Variants in RASAL2 observed in about 807,000 individuals in gnomAD.
RASAL2 encodes the protein RAS protein activator like 2, also known as ras GTPase-activating protein nGAP.
RASAL2 carries 58 observed loss-of-function variants against 128.9 expected under a neutral mutation model. That is an observed-to-expected ratio of 0.45 (90% CI 0.36 to 0.56). RASAL2 has a LOEUF of 0.56. RASAL2 is among the 20% of genes least tolerant of loss of function. The pLI is 0.00. For synonymous variants in RASAL2, 561 were observed against 580.8 expected (o/e 0.97, Z 0.49); for missense variants, 1,360 against 1,601.6 (o/e 0.85, Z 2.57).
chr1:178,094,738 T>C, intron 1 of RASAL2, 44 bp downstream of exon 1: 1 of 1,607,588 alleles, frequency 6.2e-7, no homozygotes, highest in Non-Finnish European at 8.5e-7. Context: ...TTCCTATTTT[T>C]GCTTGGGCTG....
In RASAL2 at chr1:178,111,870, C is replaced by T. The variant is rs564333911; in HGVS notation, c.202+17176C>T. Among the ~76,000 whole-genome samples the T allele has an allele frequency of 1.6e-3, 243 of 152,244 alleles. 2 individuals are homozygous for T. Among genetic ancestry groups the T allele is most frequent in the African/African-American group, 5.5e-3 (229 of 41,552 alleles). On this transcript the variant is annotated intron_variant, in intron 1 of 17. Coordinates refer to ENST00000367649, the MANE Select transcript of RASAL2 (RefSeq NM_170692.4). ...TCAGCCTCCCGAGTAGCTGGGATTA[C>T]AGGCACCTGCCATCATGCCTGGCTA...
intron 8 of RASAL2, among the ~76,000 whole-genome samples, chr1:178,443,823 A>C (rs1466689481): frequency 6.6e-6 from 1 of 152,154 alleles, no homozygotes; most frequent in Non-Finnish European, 1.5e-5. Context: ...TGGTTGTGGG[A>C]AGAACAAAAA....
chr1:178,236,312 C>T (rs909506871), intron 1 of RASAL2, among the ~76,000 whole-genome samples: 3 of 152,090 alleles, frequency 2.0e-5, no homozygotes, highest in South Asian at 2.1e-4. Context: ...TGATGGTCCT[C>T]GTAGAGGTAT....
At chr1:178,200,399 G>A (rs1662821545) in intron 1 of RASAL2, among the ~76,000 whole-genome samples, 1 of 152,214 alleles carries the variant, frequency 6.6e-6, no homozygotes, top group Admixed American at 6.5e-5. Context: ...GAGGCAAAGA[G>A]TTTAGCAACT....
chr1:178,288,593 T>G (rs536220483), intron 2 of RASAL2, among the ~76,000 whole-genome samples: 2 of 151,862 alleles, frequency 1.3e-5, no homozygotes, highest in East Asian at 3.9e-4. Context: ...CATTTTAGTT[T>G]TTTGCTTTCT....
chr1:178,397,744 C>T (rs1204288464), intron 4 of RASAL2, among the ~76,000 whole-genome samples: 1 of 151,804 alleles, frequency 6.6e-6, no homozygotes, highest in East Asian at 1.9e-4. Context: ...AAGCTGGAAC[C>T]ACAAGCGCAT....
At chr1:178,451,482 T>TA in intron 9 of RASAL2, 89 bp from the exon 10 acceptor site, 1 of 1,340,310 alleles carries the variant, frequency 7.5e-7, no homozygotes, top group Non-Finnish European at 1.0e-6. Flanking sequence ...TTCCCCATTA[T>TA]ACGTTTTAGG....
In RASAL2 at chr1:178,425,174, C is replaced by A. The variant is rs74131351; in HGVS notation, c.674+4554C>A. Among the ~76,000 whole-genome samples the A allele has an allele frequency of 5.5e-3, 842 of 152,060 alleles. 11 individuals are homozygous for A. The highest frequency in any genetic ancestry group is 0.019 in the African/African-American group (787 of 41,464). On this transcript the variant is annotated intron_variant, in intron 5 of 17. Coordinates refer to ENST00000367649, the MANE Select transcript of RASAL2 (RefSeq NM_170692.4). ...TGTAATTTGAACATAGAAATAGACA[C>A]GCACACAGAACTTTCCTTGGAATGG... is the stretch of plus-strand genomic sequence containing the variant.
chr1:178,411,835 C>A, intron 4 of RASAL2: 1 of 761,458 alleles, frequency 1.3e-6, no homozygotes. Flanking sequence ...TATCACTGCC[C>A]TACACGTCAA....
At chr1:178,263,198 A>G (rs1665780633) in intron 1 of RASAL2, among the ~76,000 whole-genome samples, 1 of 152,166 alleles carries the variant, frequency 6.6e-6, no homozygotes, top group East Asian at 1.9e-4. Context: ...TATTTTTACC[A>G]TCTGAACATT....
Position 178,420,897 on chromosome 1 carries a change from G to C in RASAL2, c.674+277G>C, listed in dbSNP as rs1675102147. Reference sequence around the variant, plus strand: ...GTAGAATCAAGTTACAGTGGTCAGAGGTGTATCTTTTGTTTGGTTTTTGGT... The same window carrying C: ...GTAGAATCAAGTTACAGTGGTCAGACGTGTATCTTTTGTTTGGTTTTTGGT... On this transcript the variant is annotated intron_variant, in intron 5 of 17. Transcript: ENST00000367649. Among the ~76,000 whole-genome samples, 3 of 152,024 alleles carry C rather than the reference G, an allele frequency of 2.0e-5. No homozygotes were observed. The South Asian group carries it at 6.2e-4, about 32-fold the overall frequency.
In RASAL2 at chr1:178,238,725, C is replaced by T. The variant is rs151016155; in HGVS notation, c.203-44839C>T. On this transcript the variant is annotated intron_variant, in intron 1 of 17. Transcript: ENST00000367649. Reference sequence around the variant, plus strand: ...TTCTGTAGTTAGTAATTTCCCACACCTCTGCTCAAAATATAAATATAGTTC... The same window carrying T: ...TTCTGTAGTTAGTAATTTCCCACACTTCTGCTCAAAATATAAATATAGTTC... 4.3e-3 allele frequency among the ~76,000 whole-genome samples: 657 copies of T among 152,094 alleles called. 14 individuals are homozygous for T. The highest frequency in any genetic ancestry group is 0.015 in the African/African-American group (631 of 41,504).
rs1667497947 is a variant in RASAL2, at chr1:178,296,147, AT to A, written c.331-3844del. Reference sequence around the variant, plus strand: ...TATGTGTATATATATGTGTGTGTATATATGTGTATATATATGTGTGTGTGTG... The same window carrying A: ...TATGTGTATATATATGTGTGTGTATAATGTGTATATATATGTGTGTGTGTG... On this transcript the variant is annotated intron_variant, in intron 2 of 17. Coordinates refer to ENST00000367649, the MANE Select transcript of RASAL2 (RefSeq NM_170692.4). Among the ~76,000 whole-genome samples the A allele has an allele frequency of 6.2e-5, 8 of 128,164 alleles. No homozygotes were observed. In the South Asian group the frequency reaches 1.7e-3, roughly 27 times the overall value. The allele number at this position is 128,164 out of a possible 152,430, so 84.1% of individuals were successfully genotyped here. A position where few individuals can be genotyped will look rare whatever the true frequency, so the allele number is the denominator to read the frequency against.
chr1:178,370,248 G>A (rs1039554001), intron 3 of RASAL2, among the ~76,000 whole-genome samples: 5 of 152,156 alleles, frequency 3.3e-5, no homozygotes, highest in East Asian at 1.9e-4. Flanking sequence ...TGGCTGAGTC[G>A]AGAGGAGTCT....
chr1:178,311,253 A>ACACACACACACACACAC lies in RASAL2; in HGVS notation c.457+11135_457+11136insCACACACACACACACAC, dbSNP rs1668232217. On this transcript the variant is annotated intron_variant, in intron 3 of 17. Coordinates refer to ENST00000367649, the MANE Select transcript of RASAL2 (RefSeq NM_170692.4). The stretch of plus-strand genomic sequence containing the variant: ...AAGAAAACAGCCATACACACACACA[A>ACACACACACACACACAC]ACACACACACACACACACACACACA... 4.2e-5 allele frequency among the ~76,000 whole-genome samples: 6 copies of ACACACACACACACACAC among 143,600 alleles called. 1 individual carries two copies. Among genetic ancestry groups the ACACACACACACACACAC allele is most frequent in the African/African-American group, 1.0e-4 (4 of 38,144 alleles). The allele number at this position is 143,600 out of a possible 152,430, so 94.2% of individuals were successfully genotyped here.
At chr1:178,109,364 G>C (rs906416198) in intron 1 of RASAL2, among the ~76,000 whole-genome samples, 4 of 152,042 alleles carry the variant, frequency 2.6e-5, no homozygotes, top group African/African-American at 9.7e-5. Flanking sequence ...AGTCTCCCAG[G>C]GAGCTGGGAT....
intron 9 of RASAL2, 72 bp downstream of exon 9, chr1:178,445,734 G>A (rs769640121): frequency 5.4e-5 from 77 of 1,436,080 alleles, no homozygotes; most frequent in Non-Finnish European, 6.8e-5. Context: ...CCCATGAGAC[G>A]AATTGAGCTC....
At chr1:178,197,135 G>T (rs2101958657) in intron 1 of RASAL2, among the ~76,000 whole-genome samples, 1 of 152,260 alleles carries the variant, frequency 6.6e-6, no homozygotes, top group East Asian at 1.9e-4. Context: ...CCAACATCGT[G>T]AAACGTTGTC....
chr1:178,259,092 T>G (rs909088445), intron 1 of RASAL2, among the ~76,000 whole-genome samples: 4 of 147,296 alleles, frequency 2.7e-5, no homozygotes, highest in African/African-American at 1.0e-4. Flanking sequence ...GGGGGATGGG[T>G]GGATGGATGT....
Sources: gnomAD v4.1 joint callset for allele counts (sites outside exome capture counted in the v4.1 genomes callset) on GRCh38, gnomAD v4.1.1 for gene constraint, MANE v1.5 for transcripts, NCBI Gene and HGNC (gene_info 2026-07-23, HGNC 2026-07-21) for gene names.